COL5A2: variants seen among roughly 807,000 people sequenced by gnomAD.
The protein encoded by COL5A2 is collagen alpha-2(V) chain.
COL5A2 carries 23 observed loss-of-function variants against 208.2 expected under a neutral mutation model. That is an observed-to-expected ratio of 0.11 (90% confidence interval 0.08 to 0.16). The LOEUF is 0.16. Among genes scored for constraint, COL5A2 ranks in the 10% least tolerant of loss-of-function variants. The pLI is 1.00. For synonymous variants in COL5A2, 625 were observed against 628.5 expected (o/e 0.99, Z 0.08); for missense variants, 1,590 against 1,956.4 (o/e 0.81, Z 3.53).
At chr2:189,376,624 T>C in the COL5A2 span, among the ~76,000 whole-genome samples, 3 of 152,348 alleles carry the variant, frequency 2.0e-5, no homozygotes, top group African/African-American at 7.2e-5. Flanking sequence ...TAAATGTATT[T>C]GTATTCCCTA....
At chr2:189,343,786 T>G in the COL5A2 span, among the ~76,000 whole-genome samples, 1 of 152,152 alleles carries the variant, frequency 6.6e-6, no homozygotes, top group African/African-American at 2.4e-5. Context: ...AACATTAAAT[T>G]TGTCCAAAAA....
intron 46 of COL5A2, 40 bp downstream of exon 46, chr2:189,045,760 G>C (rs1186544402): frequency 6.8e-7 from 1 of 1,478,318 alleles, no homozygotes; most frequent in African/African-American, 1.4e-5. Flanking sequence ...TAGCATATGG[G>C]TGTGCAAAAC....
chr2:189,139,710 A>G (rs926760753), intron 1 of COL5A2, among the ~76,000 whole-genome samples: 5 of 152,188 alleles, frequency 3.3e-5, no homozygotes, highest in African/African-American at 9.7e-5. Flanking sequence ...TTATTTGAGA[A>G]CCCTTTGTAC....
At chr2:189,317,730 T>C in the COL5A2 span, among the ~76,000 whole-genome samples, 2 of 152,110 alleles carry the variant, frequency 1.3e-5, no homozygotes, top group Non-Finnish European at 2.9e-5. Flanking sequence ...AAAAGTTAGG[T>C]ATGTGGCTTT....
At chr2:189,387,252 G>A in the COL5A2 span, among the ~76,000 whole-genome samples, 1 of 152,110 alleles carries the variant, frequency 6.6e-6, no homozygotes, top group African/African-American at 2.4e-5. Context: ...TTTACAAGTG[G>A]AAGGTAAATA....
At chr2:189,321,236 T>C in the COL5A2 span, among the ~76,000 whole-genome samples, 3 of 152,096 alleles carry the variant, frequency 2.0e-5, no homozygotes, top group African/African-American at 7.2e-5. Flanking sequence ...AGACCATCGA[T>C]GCTAGGAGGA....
chr2:189,287,984 G>A, the COL5A2 span, among the ~76,000 whole-genome samples: 2 of 152,056 alleles, frequency 1.3e-5, no homozygotes, highest in East Asian at 3.9e-4. Flanking sequence ...CCAGAGTTGT[G>A]TATTACATAC....
At chr2:189,049,684 G>T (rs1047935650) in intron 43 of COL5A2, among the ~76,000 whole-genome samples, 1 of 152,206 alleles carries the variant, frequency 6.6e-6, no homozygotes, top group Non-Finnish European at 1.5e-5. Flanking sequence ...GTTGCCACCA[G>T]CACAGGTGTG....
chr2:189,036,579 G>C, intron 52 of COL5A2, 37 bp downstream of exon 52: 1 of 1,515,728 alleles, frequency 6.6e-7, no homozygotes, highest in Non-Finnish European at 9.1e-7. Context: ...GTAGTAAAAA[G>C]TAAAGAATAC....
At chr2:189,057,565 G>A in intron 33 of COL5A2, 138 bp from the exon 34 acceptor site, 1 of 690,464 alleles carries the variant, frequency 1.4e-6, no homozygotes, top group Non-Finnish European at 2.6e-6. Context: ...ATCTGAGAAA[G>A]TTGTCTCTGA....
At chr2:189,160,951 C>G (rs759480889) in intron 1 of COL5A2, among the ~76,000 whole-genome samples, 17 of 151,350 alleles carry the variant, frequency 1.1e-4, no homozygotes, top group Non-Finnish European at 2.2e-4. Flanking sequence ...CTGCCTCAGC[C>G]ACCCGAGTAG....
At chr2:189,349,575 T>C in the COL5A2 span, among the ~76,000 whole-genome samples, 1 of 152,174 alleles carries the variant, frequency 6.6e-6, no homozygotes, top group Admixed American at 6.6e-5. Flanking sequence ...ATTCAGACAA[T>C]GGATTCCTGT....
the COL5A2 span, among the ~76,000 whole-genome samples, chr2:189,425,207 T>C: frequency 4.6e-5 from 7 of 152,218 alleles, no homozygotes; most frequent in Non-Finnish European, 7.3e-5. Flanking sequence ...TAACAAAAGT[T>C]GGCAAAGATG....
At chr2:189,142,836 CA>C (rs746055873) in intron 1 of COL5A2, among the ~76,000 whole-genome samples, 1 of 152,030 alleles carries the variant, frequency 6.6e-6, no homozygotes, top group South Asian at 2.1e-4. Flanking sequence ...AGAATTGTGT[CA>C]TTTTTTTTTT....
Position 189,034,099 on chromosome 2 carries a change from C to T in COL5A2, c.4471G>A (p.Val1491Ile), listed in dbSNP as rs200703515. Residue 1491 changes from valine (V) to isoleucine (I), a missense_variant, in exon 54 of 54, where the codon GTT becomes ATT. Coordinates refer to ENST00000374866, the MANE Select transcript of COL5A2 (RefSeq NM_000393.5). ...ACAAAACAAACTGGCCCAATTTCAACGCCGAATTCCTGGTCTGTGCCGCCA... is the reference window on the plus strand; with the variant it reads ...ACAAAACAAACTGGCCCAATTTCAATGCCGAATTCCTGGTCTGTGCCGCCA... ...DVGGTDQEFGVEIGPVCFV is the reference protein window; with the variant it reads ...DVGGTDQEFGIEIGPVCFV 57 of 1,613,844 alleles carry T rather than the reference C, an allele frequency of 3.5e-5. 1 individual carries two copies. Among genetic ancestry groups the T allele is most frequent in the Admixed American group, 2.3e-4 (14 of 59,970 alleles).
At chr2:189,268,059 T>C in the COL5A2 span, among the ~76,000 whole-genome samples, 2 of 152,204 alleles carry the variant, frequency 1.3e-5, no homozygotes, top group African/African-American at 4.8e-5. Flanking sequence ...AAAAATTATG[T>C]TATCCACTGT....
chr2:189,065,471 G>T (rs987745562), intron 23 of COL5A2, among the ~76,000 whole-genome samples: 1 of 152,038 alleles, frequency 6.6e-6, no homozygotes, highest in African/African-American at 2.4e-5. Flanking sequence ...AGAGGTTGCA[G>T]TGAGCCAAGA....
the COL5A2 span, among the ~76,000 whole-genome samples, chr2:189,387,033 T>C: frequency 5.4e-4 from 82 of 152,280 alleles, no homozygotes; most frequent in Non-Finnish European, 9.1e-4. Flanking sequence ...ATTGCAGCGT[T>C]ATTCACAATA....
At chr2:189,239,574 A>T in the COL5A2 span, among the ~76,000 whole-genome samples, 3 of 137,428 alleles carry the variant, frequency 2.2e-5, no homozygotes, top group East Asian at 4.4e-4. Context: ...AACAATGAGA[A>T]CACATGGACA....
Sources: allele counts gnomAD v4.1 joint callset (sites outside exome capture counted in the v4.1 genomes callset), GRCh38; gene constraint gnomAD v4.1.1; transcripts MANE v1.5; gene names NCBI Gene and HGNC (gene_info 2026-07-23, HGNC 2026-07-21).